The following MRM3 variants were observed in gnomAD, a reference collection of about 807,000 sequenced individuals.
The protein encoded by MRM3 is rRNA methyltransferase 3, mitochondrial.
MRM3 carries 26 observed loss-of-function variants against 29.4 expected under a neutral mutation model. The ratio of observed to expected loss-of-function variants is 0.89; its 90% CI spans 0.65 to 1.23. The LOEUF (loss-of-function observed/expected upper bound fraction) is 1.23. Among genes scored for constraint, MRM3 ranks in the 50% most tolerant of loss-of-function variants. MRM3 has a pLI of 0.00. For synonymous variants in MRM3, 225 were observed against 219.0 expected, an observed-to-expected ratio of 1.03 and a Z score of -0.24; for missense variants, 578 against 540.2, an observed-to-expected ratio of 1.07 and a Z score of -0.69.
chr17:792,026 G>T lies in MRM3; in HGVS notation c.1220G>T (p.Arg407Leu), dbSNP rs780949313. Residue 407 changes from arginine (R) to leucine (L), a missense_variant, in exon 4 of 4, where the codon CGG becomes CTG. Coordinates refer to ENST00000304478, the MANE Select transcript of MRM3 (RefSeq NM_018146.4). ...ILLFEGKRQL[R>L]GRAEDLSRDR... ...CTTTTCGAAGGGAAAAGACAGCTGC[G>T]GGGGAGGGCGGAGGACTTGAGCAGG... 4 of 1,612,698 alleles carry T rather than the reference G, an allele frequency of 2.5e-6. No individual in the cohort carries two copies. The African/African-American group carries it at 5.3e-5, about 22-fold the overall frequency.
At position 787,682 on chromosome 17, in the gene MRM3, G is replaced by T. The variant is rs1910600949; in HGVS notation, c.560-283G>T. Among the ~76,000 whole-genome samples the T allele has an allele frequency of 6.6e-6, 1 of 152,162 alleles. No homozygotes were observed. The highest frequency in any genetic ancestry group is 1.9e-4 in the East Asian group (1 of 5,172). On this transcript the variant is annotated intron_variant, in intron 2 of 3. Coordinates refer to ENST00000304478, the MANE Select transcript of MRM3 (RefSeq NM_018146.4). This position sits in a 1 kb window ranked among gnomAD's most constrained non-coding sequence, Gnocchi z 4.1. ...TCCTGCCTCAGCCTCCCAGGTAGCTGGGACTAGAGGCATGCGCCACCACGC... is the reference window on the plus strand; with the variant it reads ...TCCTGCCTCAGCCTCCCAGGTAGCTTGGACTAGAGGCATGCGCCACCACGC...
rs1910840550 is a variant in MRM3, at chr17:791,847, A to G, written c.1041A>G (p.Thr347=). 1.2e-6 allele frequency: 2 copies of G among 1,614,058 alleles called. No homozygotes were observed. The highest frequency in any genetic ancestry group is 1.7e-5 in the Admixed American group (1 of 60,002). Residue 347 remains threonine (T), a synonymous_variant, in exon 4 of 4, where the codon ACA becomes ACG. Coordinates refer to ENST00000304478, the MANE Select transcript of MRM3 (RefSeq NM_018146.4). ...VEVQSYDSDW[T]EAPAAVVIGG... ...TTCAGAGTTACGACTCGGACTGGAC[A>G]GAGGCGCCGGCAGCTGTGGTGATTG... is the stretch of plus-strand genomic sequence containing the variant.
In MRM3 at chr17:782,366, G is replaced by A. The variant is rs16955542; in HGVS notation, c.-13G>A. The A allele has an allele frequency of 0.018, 28,248 of 1,613,428 alleles. 362 individuals carry two copies. The highest frequency in any genetic ancestry group is 0.071 in the East Asian group (3,198 of 44,866). Reference sequence around the variant, plus strand: ...CGGCGCGCTTTCGTGACGCAGCCCGGGTCTCAGGGAACATGGCGGCGCTGG... The same window carrying A: ...CGGCGCGCTTTCGTGACGCAGCCCGAGTCTCAGGGAACATGGCGGCGCTGG... On this transcript the variant is annotated 5_prime_UTR_variant, in exon 1 of 4. Coordinates refer to ENST00000304478, the MANE Select transcript of MRM3 (RefSeq NM_018146.4).
chr17:788,311 A>C (rs367926316), intron 3 of MRM3, 179 bp downstream of exon 3: 4 of 574,338 alleles, frequency 7.0e-6, no homozygotes, highest in African/African-American at 1.9e-5. Flanking sequence ...GCCTGTACTC[A>C]GTCCCAGCAA....
chr17:791,904 C>T lies in MRM3; in HGVS notation c.1098C>T (p.Ser366=). The change falls in exon 4 of 4, where the codon TCC becomes TCT. Residue 366 remains serine, a synonymous_variant. Coordinates refer to ENST00000304478, the MANE Select transcript of MRM3 (RefSeq NM_018146.4). ...AGACCTACGGCGTGAGCCTGGAGTC[C>T]CTGCAGCTGGCCGAGAGCACTGGTG... The part of the protein sequence containing the change: ...GGETYGVSLE[S]LQLAESTGGK... 1 of 1,613,942 alleles carries T rather than the reference C, an allele frequency of 6.2e-7. No homozygotes were observed. Among genetic ancestry groups the T allele is most frequent in the African/African-American group, 1.3e-5 (1 of 75,048 alleles).
In MRM3 at chr17:783,141, C is replaced by A; in HGVS notation, c.373C>A (p.Leu125Met). The A allele has an allele frequency of 6.2e-7, 1 of 1,613,926 alleles. No homozygotes were observed. The highest frequency in any genetic ancestry group is 8.5e-7 in the Non-Finnish European group (1 of 1,179,984). The change falls in exon 2 of 4, where the codon CTG (leucine) becomes ATG (methionine). Residue 125 changes from leucine to methionine, a missense_variant. By Grantham distance (15) the Leu-to-Met change is conservative (BLOSUM62 2). Transcript: ENST00000304478. Reference protein sequence around the residue: ...PFREKQGKILLEGRRLISDAL... With the variant: ...PFREKQGKILMEGRRLISDAL... ...TCGGGAAAAACAAGGGAAGATCCTG[C>A]TGGAAGGTCGCAGGCTCATTTCAGA...
chr17:788,862 G>A (rs1392454542), intron 3 of MRM3, among the ~76,000 whole-genome samples: 2 of 152,224 alleles, frequency 1.3e-5, no homozygotes, highest in Admixed American at 6.5e-5. Context: ...CAGCTTCCTC[G>A]TTGGTGAACT....
Position 791,519 on chromosome 17 carries a change from C to CT in MRM3, c.728-10dup. Reference sequence around the variant, plus strand: ...AGATTTGTAACATCTTGATTGTTTCCTTTTTATTTTCCAGGCTGTGTGGAT... The same window carrying CT: ...AGATTTGTAACATCTTGATTGTTTCCTTTTTTATTTTCCAGGCTGTGTGGAT... On this transcript the variant is annotated splice_polypyrimidine_tract_variant and intron_variant, in intron 3 of 3. Coordinates refer to ENST00000304478, the MANE Select transcript of MRM3 (RefSeq NM_018146.4). 1 of 1,601,310 alleles carries CT rather than the reference C, an allele frequency of 6.2e-7. No individual in the cohort carries two copies. Among genetic ancestry groups the CT allele is most frequent in the Non-Finnish European group, 8.5e-7 (1 of 1,173,792 alleles).
In MRM3 at chr17:782,589, C is replaced by A; in HGVS notation, c.211C>A (p.Arg71=). 1 of 1,614,036 alleles carries A rather than the reference C, an allele frequency of 6.2e-7. No homozygotes were observed. Among genetic ancestry groups the A allele is most frequent in the Non-Finnish European group, 8.5e-7 (1 of 1,179,978 alleles). The part of the protein sequence containing the change: ...APSEASAQEQ[R]EKQPLEESAS... ...ATCTGAGGCCAGTGCCCAGGAGCAA[C>A]GAGAGAAACAACCGCTCGAGGAGTC... Residue 71 remains arginine, a synonymous_variant, in exon 1 of 4, where the codon CGA becomes AGA. Coordinates refer to ENST00000304478, the MANE Select transcript of MRM3 (RefSeq NM_018146.4).
chr17:784,333 C>A (rs1339790282), intron 2 of MRM3, among the ~76,000 whole-genome samples: 1 of 152,190 alleles, frequency 6.6e-6, no homozygotes, highest in Admixed American at 6.5e-5. Context: ...AGGATGGGGA[C>A]TTGGATTACT....
intron 3 of MRM3, 129 bp from the exon 4 acceptor site, chr17:791,405 C>G (rs1240733394): frequency 1.1e-6 from 1 of 903,062 alleles, no homozygotes; most frequent in African/African-American, 1.7e-5. Flanking sequence ...GCAGAAGGTC[C>G]CATCCCTCAA....
chr17:782,456 G>C lies in MRM3; in HGVS notation c.78G>C (p.Ala26=). 6.2e-7 allele frequency: 1 copy of C among 1,613,914 alleles called. No individual in the cohort carries two copies. Among genetic ancestry groups the C allele is most frequent in the South Asian group, 1.1e-5 (1 of 91,072 alleles). The part of the protein sequence containing the change: ...LQVVQAWDLD[A]RRWVRALRRS... ...TGGTCCAGGCTTGGGACCTTGACGC[G>C]AGGCGCTGGGTCCGGGCGCTGCGGC... is the stretch of plus-strand genomic sequence containing the variant. The change falls in exon 1 of 4, where the codon GCG becomes GCC. Residue 26 remains alanine (A), a synonymous_variant. Coordinates refer to ENST00000304478, the MANE Select transcript of MRM3 (RefSeq NM_018146.4).
In MRM3 at chr17:782,369, C is replaced by G. The variant is rs752137885; in HGVS notation, c.-10C>G. 1.2e-6 allele frequency: 2 copies of G among 1,613,406 alleles called. No homozygotes were observed. Among genetic ancestry groups the G allele is most frequent in the Admixed American group, 3.3e-5 (2 of 59,932 alleles). ...CGCGCTTTCGTGACGCAGCCCGGGTCTCAGGGAACATGGCGGCGCTGGTGA... is the reference window on the plus strand; with the variant it reads ...CGCGCTTTCGTGACGCAGCCCGGGTGTCAGGGAACATGGCGGCGCTGGTGA... On this transcript the variant is annotated 5_prime_UTR_variant, in exon 1 of 4. Transcript: ENST00000304478.
chr17:786,564 C>T (rs529617626), intron 2 of MRM3, among the ~76,000 whole-genome samples: 5 of 151,254 alleles, frequency 3.3e-5, no homozygotes, highest in African/African-American at 4.9e-5. Flanking sequence ...CATGAGCTAC[C>T]GTGCCTGGCC....
intron 1 of MRM3, among the ~76,000 whole-genome samples, 169 bp downstream of exon 1, chr17:782,861 G>T (rs1910222169): frequency 1.3e-5 from 2 of 152,192 alleles, no homozygotes; most frequent in Admixed American, 1.3e-4. Context: ...TTTCTCCTTA[G>T]CTCTTTGTTG....
intron 2 of MRM3, among the ~76,000 whole-genome samples, chr17:786,565 G>A (rs1165815352): frequency 1.3e-5 from 2 of 151,990 alleles, no homozygotes; most frequent in East Asian, 1.9e-4. Flanking sequence ...ATGAGCTACC[G>A]TGCCTGGCCT....
intron 2 of MRM3, among the ~76,000 whole-genome samples, chr17:783,915 C>A (rs563758604): frequency 6.6e-6 from 1 of 152,084 alleles, no homozygotes; most frequent in Non-Finnish European, 1.5e-5. Flanking sequence ...ATTAAGAAAG[C>A]GTTTACTGAA....
At position 792,382 on chromosome 17, in the gene MRM3, G is replaced by T. The variant is rs1039337965; in HGVS notation, c.*313G>T. On this transcript the variant is annotated 3_prime_UTR_variant, in exon 4 of 4. Coordinates refer to ENST00000304478, the MANE Select transcript of MRM3 (RefSeq NM_018146.4). ...AAGTTCCTGAAGCATCATCCTGGCAGGGAGGCGCCTGCTCCACCAGCTGGT... is the reference window on the plus strand; with the variant it reads ...AAGTTCCTGAAGCATCATCCTGGCATGGAGGCGCCTGCTCCACCAGCTGGT... The T allele has an allele frequency of 5.8e-5, 17 of 293,218 alleles. No homozygotes were observed. In the Admixed American group the frequency reaches 8.0e-4, roughly 14 times the overall value. The allele number at this position is 293,218 out of a possible 1,614,324, so 18.2% of individuals were successfully genotyped here. A position where few individuals can be genotyped will look rare whatever the true frequency, so the allele number is the denominator to read the frequency against.
At position 783,247 on chromosome 17, in the gene MRM3, T is replaced by TGAAA. The variant is rs1910296878; in HGVS notation, c.481_484dup (p.Gly162GlufsTer7). 1 of 1,614,064 alleles carries TGAAA rather than the reference T, an allele frequency of 6.2e-7. No individual in the cohort carries two copies. Among genetic ancestry groups the TGAAA allele is most frequent in the African/African-American group, 1.3e-5 (1 of 74,996 alleles). On this transcript the variant is annotated frameshift_variant, in exon 2 of 4. Coordinates refer to ENST00000304478, the MANE Select transcript of MRM3 (RefSeq NM_018146.4). LOFTEE classifies it high-confidence loss of function. ...CTAAAGGAGTTGCCAGTCGATAAGC[T>TGAAA]GAAAGGTGTCAGCCTCATTAAGGTG...
Sources: allele counts gnomAD v4.1 joint callset (sites outside exome capture counted in the v4.1 genomes callset), GRCh38; gene constraint gnomAD v4.1.1; non-coding constraint Gnocchi (gnomAD v3.1); transcripts MANE v1.5; gene names NCBI Gene and HGNC (gene_info 2026-07-23, HGNC 2026-07-21).